Variants in SHISA6 observed in about 807,000 individuals in gnomAD.
SHISA6 encodes the protein protein shisa-6.
Under a neutral mutation model 47.9 loss-of-function variants are expected in SHISA6, and 22 were observed. That is an observed-to-expected ratio of 0.46 (90% CI 0.33 to 0.66). The LOEUF (loss-of-function observed/expected upper bound fraction) is 0.66, where lower values mean the gene tolerates loss of function less well. Among genes scored for constraint, SHISA6 ranks in the 30% least tolerant of loss-of-function variants. SHISA6 has a pLI of 0.02. For missense variants in SHISA6, 680 were observed against 764.6 expected (o/e 0.89, Z 1.30); for synonymous variants, 388 against 337.8 (o/e 1.15, Z -1.63).
chr17:11,277,269 C>A (rs1908941692), intron 2 of SHISA6, among the ~76,000 whole-genome samples: 1 of 111,356 alleles, frequency 9.0e-6, no homozygotes, highest in Non-Finnish European at 1.8e-5. Flanking sequence ...CTCTCTCTCT[C>A]TCTCTCTCTC....
intron 3 of SHISA6, among the ~76,000 whole-genome samples, chr17:11,499,384 C>G (rs2071432670): frequency 6.6e-6 from 1 of 151,808 alleles, no homozygotes; most frequent in Non-Finnish European, 1.5e-5. Flanking sequence ...CTATGAAGCA[C>G]CTCTTCATGG....
intron 3 of SHISA6, among the ~76,000 whole-genome samples, chr17:11,491,352 G>A (rs937893461): frequency 2.6e-5 from 4 of 152,228 alleles, no homozygotes; most frequent in East Asian, 3.9e-4. Flanking sequence ...TGCAGTGGGC[G>A]GTGGGAGGGA....
intron 3 of SHISA6, among the ~76,000 whole-genome samples, chr17:11,525,653 A>C (rs1469906722): frequency 5.1e-4 from 7 of 13,722 alleles, no homozygotes; most frequent in African/African-American, 2.9e-3. Context: ...AAAAAAAAAC[A>C]AAAAAAAAAA....
chr17:11,301,561 G>A (rs144785510), intron 2 of SHISA6, among the ~76,000 whole-genome samples: 2,007 of 152,290 alleles, frequency 0.013, 24 homozygotes, highest in Middle Eastern at 0.088. Context: ...GCATGAATGA[G>A]TCTTTCTCTT....
chr17:11,275,954 C>T (rs1285047520), intron 2 of SHISA6, among the ~76,000 whole-genome samples: 2 of 151,864 alleles, frequency 1.3e-5, no homozygotes, highest in African/African-American at 4.8e-5. Flanking sequence ...TGGCCACCAT[C>T]TTGAGACTAG....
At chr17:11,484,483 C>A (rs527519380) in intron 3 of SHISA6, among the ~76,000 whole-genome samples, 5 of 152,210 alleles carry the variant, frequency 3.3e-5, no homozygotes, top group African/African-American at 1.2e-4. Context: ...TCACTGCAAC[C>A]TCTGCCTCCT....
chr17:11,372,815 C>G (rs1013369305), intron 2 of SHISA6, among the ~76,000 whole-genome samples: 1 of 152,102 alleles, frequency 6.6e-6, no homozygotes, highest in African/African-American at 2.4e-5. Flanking sequence ...AAGCACCATT[C>G]AAGCTCCCTC....
chr17:11,378,230 G>A (rs1328475192), intron 2 of SHISA6, among the ~76,000 whole-genome samples: 1 of 152,152 alleles, frequency 6.6e-6, no homozygotes, highest in African/African-American at 2.4e-5. Flanking sequence ...AAAACACTTG[G>A]AAAATATAGA....
At chr17:11,296,330 A>G (rs995385749) in intron 2 of SHISA6, among the ~76,000 whole-genome samples, 3 of 152,206 alleles carry the variant, frequency 2.0e-5, no homozygotes, top group Non-Finnish European at 4.4e-5. Flanking sequence ...CAAGGAAGAA[A>G]GAAGATAGGG....
At chr17:11,550,470 G>A (rs563093043) in intron 3 of SHISA6, among the ~76,000 whole-genome samples, 6 of 152,270 alleles carry the variant, frequency 3.9e-5, no homozygotes, top group African/African-American at 1.4e-4. Flanking sequence ...GAAATTGAGA[G>A]TGGAGCTAAA....
intron 3 of SHISA6, among the ~76,000 whole-genome samples, chr17:11,476,165 C>T (rs758264825): frequency 6.6e-6 from 1 of 151,904 alleles, no homozygotes; most frequent in South Asian, 2.1e-4. Flanking sequence ...GTGATTTGTG[C>T]TGTCCCTTTT....
At chr17:11,448,576 C>A (rs1915297964) in intron 3 of SHISA6, among the ~76,000 whole-genome samples, 1 of 152,192 alleles carries the variant, frequency 6.6e-6, no homozygotes, top group East Asian at 1.9e-4. Flanking sequence ...CACCTATAAT[C>A]CCAGCACTTT....
chr17:11,507,716 A>T (rs891789405), intron 3 of SHISA6, among the ~76,000 whole-genome samples: 1 of 152,186 alleles, frequency 6.6e-6, no homozygotes, highest in Non-Finnish European at 1.5e-5. Flanking sequence ...GTTCACTGAC[A>T]CCCTGACTTC....
chr17:11,557,524 C>T lies in SHISA6; in HGVS notation c.1106-230C>T, dbSNP rs114954691. Reference sequence around the variant, plus strand: ...GCAAACTCTTGGGCCCACCCCAGACCCACTGAATTAGAATCTGCATTTAAC... The same window carrying T: ...GCAAACTCTTGGGCCCACCCCAGACTCACTGAATTAGAATCTGCATTTAAC... On this transcript the variant is annotated intron_variant, in intron 5 of 5. Transcript: ENST00000441885. Among the ~76,000 whole-genome samples the T allele has an allele frequency of 7.9e-3, 1,203 of 152,294 alleles. 19 individuals carry two copies. The highest frequency in any genetic ancestry group is 0.027 in the African/African-American group (1,133 of 41,558).
chr17:11,396,660 CA>C (rs1221654223), intron 3 of SHISA6, among the ~76,000 whole-genome samples: 1 of 152,146 alleles, frequency 6.6e-6, no homozygotes. Context: ...CCAAACACCA[CA>C]TATTCTCACT....
intron 3 of SHISA6, among the ~76,000 whole-genome samples, chr17:11,538,020 G>C (rs1356512005): frequency 6.6e-6 from 1 of 152,190 alleles, no homozygotes; most frequent in Non-Finnish European, 1.5e-5. Context: ...TGGAGGACCT[G>C]AGTATGGCTT....
intron 2 of SHISA6, among the ~76,000 whole-genome samples, chr17:11,280,773 G>C (rs1356531915): frequency 6.6e-6 from 1 of 152,242 alleles, no homozygotes; most frequent in Non-Finnish European, 1.5e-5. Flanking sequence ...AGAGGGAATA[G>C]ATCTCCCCTT....
intron 2 of SHISA6, among the ~76,000 whole-genome samples, chr17:11,352,263 C>A: frequency 6.6e-6 from 1 of 151,116 alleles, no homozygotes; most frequent in Admixed American, 6.6e-5. Flanking sequence ...GAAAGGCAAG[C>A]ATAAAATGGA....
intron 3 of SHISA6, among the ~76,000 whole-genome samples, chr17:11,416,952 G>A (rs1424959020): frequency 6.6e-6 from 1 of 152,106 alleles, no homozygotes; most frequent in Non-Finnish European, 1.5e-5. Context: ...AGATAGTAAA[G>A]TGAGAGTCAG....
Sources: gnomAD v4.1 joint callset for allele counts (sites outside exome capture counted in the v4.1 genomes callset) on GRCh38, gnomAD v4.1.1 for gene constraint, MANE v1.5 for transcripts, NCBI Gene and HGNC (gene_info 2026-07-23, HGNC 2026-07-21) for gene names.